BCAS3: variants seen among roughly 807,000 people sequenced by gnomAD.
The protein encoded by BCAS3 is BCAS3 microtubule associated cell migration factor.
A neutral mutation model predicts 116.1 loss-of-function variants in BCAS3; 53 were observed. The ratio of observed to expected loss-of-function variants is 0.46; its 90% CI spans 0.37 to 0.57. BCAS3 has a LOEUF of 0.57. BCAS3 is among the 20% of genes least tolerant of loss of function. The pLI, the probability that BCAS3 is intolerant of heterozygous loss-of-function variation, is 0.00. For synonymous variants in BCAS3, 391 were observed against 408.2 expected, an observed-to-expected ratio of 0.96 and a Z score of 0.51; for missense variants, 917 against 1,165.4, an observed-to-expected ratio of 0.79 and a Z score of 3.10.
intron 22 of BCAS3, among the ~76,000 whole-genome samples, chr17:61,183,795 G>T (rs2079610975): frequency 1.3e-5 from 2 of 152,230 alleles, no homozygotes; most frequent in African/African-American, 4.8e-5. Flanking sequence ...ATGAGAAAAT[G>T]ACTGATACAA....
intron 22 of BCAS3, among the ~76,000 whole-genome samples, chr17:61,173,703 A>T (rs1339311044): frequency 6.6e-6 from 1 of 151,920 alleles, no homozygotes; most frequent in African/African-American, 2.4e-5. Context: ...ACATAGGAAG[A>T]CCTCACCTCT....
intron 5 of BCAS3, among the ~76,000 whole-genome samples, chr17:60,715,668 A>C (rs2038513149): frequency 6.6e-6 from 1 of 151,010 alleles, no homozygotes; most frequent in South Asian, 2.1e-4. Context: ...TTGTATTTTT[A>C]GTAGAGATGG....
At chr17:61,146,241 G>A (rs1431438101) in intron 22 of BCAS3, among the ~76,000 whole-genome samples, 2 of 151,592 alleles carry the variant, frequency 1.3e-5, no homozygotes, top group Non-Finnish European at 2.9e-5. Context: ...TGAGTAGCTG[G>A]GATTACAGGT....
In BCAS3 at chr17:61,105,582, G is replaced by A. The variant is rs552076201; in HGVS notation, c.2425+21018G>A. On this transcript the variant is annotated intron_variant, in intron 22 of 23. Transcript: ENST00000407086. The surrounding 1 kb of genome is among the most constrained non-coding windows in gnomAD (Gnocchi z 4.3). Reference sequence around the variant, plus strand: ...TGGGGTTACAGGCATGTGCCACCACGCCCAGCTAATTTTGTATTTTTTTTA... The same window carrying A: ...TGGGGTTACAGGCATGTGCCACCACACCCAGCTAATTTTGTATTTTTTTTA... Among the ~76,000 whole-genome samples the A allele has an allele frequency of 6.6e-6, 1 of 152,068 alleles. No individual in the cohort carries two copies. The highest frequency in any genetic ancestry group is 1.9e-4 in the East Asian group (1 of 5,180).
chr17:60,915,464 A>G (rs951662499), intron 12 of BCAS3, among the ~76,000 whole-genome samples: 1 of 151,898 alleles, frequency 6.6e-6, no homozygotes, highest in African/African-American at 2.4e-5. Flanking sequence ...TGTTTCATCA[A>G]CGCATACTTC....
At chr17:61,277,159 A>C (rs575725301) in intron 22 of BCAS3, among the ~76,000 whole-genome samples, 1 of 151,804 alleles carries the variant, frequency 6.6e-6, no homozygotes, top group South Asian at 2.1e-4. Flanking sequence ...AGTAACTCAA[A>C]AGGCTGAGGC....
intron 12 of BCAS3, among the ~76,000 whole-genome samples, chr17:60,913,404 AATAT>A (rs1567854405): frequency 1.3e-5 from 2 of 152,090 alleles, no homozygotes; most frequent in Admixed American, 1.3e-4. Context: ...CATTTTAAAA[AATAT>A]ATATAATTTG....
At chr17:60,992,768 G>C (rs1039876749) in intron 15 of BCAS3, among the ~76,000 whole-genome samples, 4 of 152,134 alleles carry the variant, frequency 2.6e-5, no homozygotes, top group African/African-American at 9.7e-5. Context: ...GATATTTTCA[G>C]CTATTTGCTA....
intron 12 of BCAS3, among the ~76,000 whole-genome samples, chr17:60,924,171 C>T (rs927942254): frequency 6.6e-6 from 1 of 152,098 alleles, no homozygotes; most frequent in Non-Finnish European, 1.5e-5. Context: ...TTTCTGTCAT[C>T]TACAGTCAAG....
chr17:60,747,650 T>G (rs1324298189), intron 6 of BCAS3, among the ~76,000 whole-genome samples: 2 of 152,140 alleles, frequency 1.3e-5, no homozygotes, highest in Non-Finnish European at 2.9e-5. Flanking sequence ...CTGGCTTAGC[T>G]TTCTTCTGTG....
intron 4 of BCAS3, among the ~76,000 whole-genome samples, chr17:60,701,086 A>G (rs1405169399): frequency 6.6e-6 from 1 of 151,958 alleles, no homozygotes; most frequent in Non-Finnish European, 1.5e-5. Flanking sequence ...TCTACTAAAA[A>G]TACAAAAATT....
At chr17:61,267,096 C>T (rs542054137) in intron 22 of BCAS3, among the ~76,000 whole-genome samples, 8 of 152,156 alleles carry the variant, frequency 5.3e-5, no homozygotes, top group Middle Eastern at 3.2e-3. Flanking sequence ...CTCGCTCTGT[C>T]GCCCAGGCTG....
rs2081437022 is a variant in BCAS3, at chr17:61,211,149, AG to A, written c.2425+126586del. Among the ~76,000 whole-genome samples the A allele has an allele frequency of 6.6e-6, 1 of 152,196 alleles. No homozygotes were observed. The highest frequency in any genetic ancestry group is 1.5e-5 in the Non-Finnish European group (1 of 68,024). Reference sequence around the variant, plus strand: ...TTGGAGGCATGCTCAGTTATTCAGAAGAAATGGAATGACGTTAAAATTCTCC... The same window carrying A: ...TTGGAGGCATGCTCAGTTATTCAGAAAAATGGAATGACGTTAAAATTCTCC... On this transcript the variant is annotated intron_variant, in intron 22 of 23. Transcript: ENST00000407086. The surrounding 1 kb of genome is among the most constrained non-coding windows in gnomAD (Gnocchi z 4.4).
chr17:61,136,825 C>T lies in BCAS3; in HGVS notation c.2425+52261C>T, dbSNP rs1254099967. ...CCACCCACCTCGGCCTCCCAAAGTC[C>T]TGAGATTACAGGTGTGAGCCACTGT... On this transcript the variant is annotated intron_variant, in intron 22 of 23. Transcript: ENST00000407086. This position sits in a 1 kb window ranked among gnomAD's most constrained non-coding sequence, Gnocchi z 4.4. Among the ~76,000 whole-genome samples the T allele has an allele frequency of 6.6e-6, 1 of 152,160 alleles. No homozygotes were observed. The highest frequency in any genetic ancestry group is 1.5e-5 in the Non-Finnish European group (1 of 68,028).
At position 60,962,871 on chromosome 17, in the gene BCAS3, A is replaced by G. The variant is rs114895401; in HGVS notation, c.1221+15519A>G. On this transcript the variant is annotated intron_variant, in intron 14 of 23. Coordinates refer to ENST00000407086, the MANE Select transcript of BCAS3 (RefSeq NM_017679.5). The surrounding 1 kb of genome is among the most constrained non-coding windows in gnomAD (Gnocchi z 4.4). The stretch of plus-strand genomic sequence containing the variant: ...TTTCTTTTAGTGGTTTCATAGTTTG[A>G]GGTCTTAGATTTACGTCTTTAATCG... Among the ~76,000 whole-genome samples the G allele has an allele frequency of 0.019, 2,853 of 152,252 alleles. 95 individuals are homozygous for G. The highest frequency in any genetic ancestry group is 0.064 in the African/African-American group (2,653 of 41,534).
chr17:61,149,251 G>A (rs2077411758), intron 22 of BCAS3, among the ~76,000 whole-genome samples: 1 of 152,020 alleles, frequency 6.6e-6, no homozygotes, highest in African/African-American at 2.4e-5. Flanking sequence ...CCACAAACCT[G>A]CTTTCCGCTG....
chr17:60,857,041 G>C (rs2053741251), intron 7 of BCAS3, among the ~76,000 whole-genome samples: 1 of 152,098 alleles, frequency 6.6e-6, no homozygotes, highest in Admixed American at 6.6e-5. Context: ...GTAGGTAACA[G>C]ATTGTTCTGA....
chr17:61,126,814 C>T lies in BCAS3; in HGVS notation c.2425+42250C>T, dbSNP rs576648702. On this transcript the variant is annotated intron_variant, in intron 22 of 23. Transcript: ENST00000407086. This position sits in a 1 kb window ranked among gnomAD's most constrained non-coding sequence, Gnocchi z 4.6. ...ATTTTGGTCTCTCTTAACTCTTTCA[C>T]GACTAGGGGATTTTTCTTTGTGGGA... Among the ~76,000 whole-genome samples, 3 of 152,208 alleles carry T rather than the reference C, an allele frequency of 2.0e-5. No individual in the cohort carries two copies. The highest frequency in any genetic ancestry group is 2.1e-4 in the South Asian group (1 of 4,826).
chr17:60,691,950 A>C (rs1412641655), intron 4 of BCAS3, among the ~76,000 whole-genome samples: 2 of 151,906 alleles, frequency 1.3e-5, no homozygotes, highest in Non-Finnish European at 2.9e-5. Context: ...ACAGTGACTG[A>C]AATTAGAAGT....
Sources: allele counts gnomAD v4.1 joint callset (sites outside exome capture counted in the v4.1 genomes callset), GRCh38; gene constraint gnomAD v4.1.1; non-coding constraint Gnocchi (gnomAD v3.1); transcripts MANE v1.5; gene names NCBI Gene and HGNC (gene_info 2026-07-23, HGNC 2026-07-21).